The following PKHD1 variants were observed in gnomAD, a reference collection of about 807,000 sequenced individuals.
PKHD1 encodes PKHD1 ciliary IPT domain containing fibrocystin/polyductin.
In PKHD1, 291 loss-of-function variants were observed where a neutral mutation model predicts 412.0. The ratio of observed to expected loss-of-function variants is 0.71; its 90% confidence interval spans 0.64 to 0.78. The LOEUF (loss-of-function observed/expected upper bound fraction) is 0.78. PKHD1 is among the 30% of genes least tolerant of loss of function. The pLI is 0.00. For missense variants in PKHD1, 4,825 were observed against 4,950.7 expected, an observed-to-expected ratio of 0.97 and a Z score of 0.76; for synonymous variants, 1,777 against 1,821.5, an observed-to-expected ratio of 0.98 and a Z score of 0.62.
chr6:51,777,687 A>G (rs1468609406), intron 53 of PKHD1, among the ~76,000 whole-genome samples: 4 of 19,894 alleles, frequency 2.0e-4, no homozygotes, highest in Admixed American at 6.5e-4. Context: ...GGGAAAAAAA[A>G]AAAAAAAAAA....
intron 45 of PKHD1, among the ~76,000 whole-genome samples, chr6:51,884,444 A>C (rs1447771473): frequency 6.6e-6 from 1 of 152,216 alleles, no homozygotes; most frequent in Non-Finnish European, 1.5e-5. Context: ...GCAAGTTTTA[A>C]AATAGGGAAG....
chr6:51,787,758 G>T (rs934483739), intron 53 of PKHD1, among the ~76,000 whole-genome samples: 2 of 152,160 alleles, frequency 1.3e-5, no homozygotes, highest in Non-Finnish European at 2.9e-5. Flanking sequence ...CTGGAAAGTG[G>T]CACAGTGTCA....
At chr6:51,999,026 C>T (rs1798048808) in intron 35 of PKHD1, among the ~76,000 whole-genome samples, 1 of 152,144 alleles carries the variant, frequency 6.6e-6, no homozygotes, top group South Asian at 2.1e-4. Flanking sequence ...CAAAGCAATT[C>T]AAGAAGACAG....
At chr6:51,661,031 G>C (rs909771634) in intron 60 of PKHD1, among the ~76,000 whole-genome samples, 20 of 151,696 alleles carry the variant, frequency 1.3e-4, no homozygotes, top group African/African-American at 4.9e-4. Flanking sequence ...TGAGGCATTA[G>C]CTCATTAGAA....
chr6:52,024,711 G>T lies in PKHD1; in HGVS notation c.5099C>A (p.Thr1700Asn). ...GGAAGGGACCACGCACTGAAGAACG[G>T]TGTGGTTACCAGAGACACCCACACA... ...SPCVGVSGNHTVLQCVVPSLP... is the reference protein window; with the variant it reads ...SPCVGVSGNHNVLQCVVPSLP... Residue 1700 changes from threonine to asparagine, a missense_variant, in exon 32 of 67, where the codon ACC (threonine) becomes AAC (asparagine). Transcript: ENST00000371117. 6.2e-7 allele frequency: 1 copy of T among 1,614,204 alleles called. No individual in the cohort carries two copies. Among genetic ancestry groups the T allele is most frequent in the Non-Finnish European group, 8.5e-7 (1 of 1,180,036 alleles).
Position 52,054,021 on chromosome 6 carries a change from C to A in PKHD1, c.1964+17G>T, listed in dbSNP as rs201349527. ...AGCTGACTGAATTCCCACCACGCCT[C>A]CCCACCGATTAGCTACCTCTCGGGG... On this transcript the variant is annotated intron_variant, in intron 20 of 66. Coordinates refer to ENST00000371117, the MANE Select transcript of PKHD1 (RefSeq NM_138694.4). The A allele has an allele frequency of 6.8e-3, 11,020 of 1,613,548 alleles. 62 individuals carry two copies. The highest frequency in any genetic ancestry group is 7.8e-3 in the Non-Finnish European group (9,184 of 1,179,572).
At chr6:51,682,655 C>CTCTGCT (rs1174028059) in intron 60 of PKHD1, among the ~76,000 whole-genome samples, 5 of 151,976 alleles carry the variant, frequency 3.3e-5, no homozygotes, top group African/African-American at 1.2e-4. Context: ...AACAGCTTGC[C>CTCTGCT]TCTGCTTCTG....
At chr6:51,991,341 T>G (rs1797017604) in intron 35 of PKHD1, among the ~76,000 whole-genome samples, 1 of 152,220 alleles carries the variant, frequency 6.6e-6, no homozygotes, top group South Asian at 2.1e-4. Context: ...ATACAAACCC[T>G]AGATGCCTCA....
intron 64 of PKHD1, among the ~76,000 whole-genome samples, chr6:51,634,165 C>A (rs1194449313): frequency 6.6e-6 from 1 of 152,066 alleles, no homozygotes; most frequent in Non-Finnish European, 1.5e-5. Context: ...ATCCACATAA[C>A]TCAGGCAAAA....
At chr6:51,781,237 C>T (rs1415598429) in intron 53 of PKHD1, among the ~76,000 whole-genome samples, 4 of 152,086 alleles carry the variant, frequency 2.6e-5, no homozygotes, top group African/African-American at 9.7e-5. Flanking sequence ...ATATTTGACT[C>T]GCTTATTCCT....
At chr6:51,654,643 C>A (rs1306991935) in intron 61 of PKHD1, among the ~76,000 whole-genome samples, 19 of 147,628 alleles carry the variant, frequency 1.3e-4, no homozygotes, top group African/African-American at 1.2e-4. Flanking sequence ...AGCAAAATAG[C>A]AAAAAAAAAA....
intron 13 of PKHD1, among the ~76,000 whole-genome samples, chr6:52,064,141 C>G (rs890289547): frequency 3.3e-5 from 5 of 152,214 alleles, no homozygotes; most frequent in Admixed American, 6.5e-5. Flanking sequence ...GTTTCTTCCC[C>G]TGCTGGGCAA....
At chr6:51,927,778 A>G (rs529946553) in intron 37 of PKHD1, among the ~76,000 whole-genome samples, 2 of 152,318 alleles carry the variant, frequency 1.3e-5, no homozygotes, top group Admixed American at 1.3e-4. Context: ...AACATCTTTC[A>G]TGTGGATTTG....
Position 51,616,690 on chromosome 6 carries a change from C to T in PKHD1, c.*2391G>A. 2.5e-6 allele frequency: 1 copy of T among 398,450 alleles called. No individual in the cohort carries two copies. The highest frequency in any genetic ancestry group is 3.6e-5 in the East Asian group (1 of 28,068). 24.7% of individuals were successfully genotyped at this position (398,450 alleles called of 1,614,324 possible). On this transcript the variant is annotated 3_prime_UTR_variant, in exon 67 of 67. Transcript: ENST00000371117. ...GAGTCAATTCTGGCCTCAGGGATCA[C>T]AGGCTTTTCTGGGATGGAATTAGTA...
intron 50 of PKHD1, among the ~76,000 whole-genome samples, chr6:51,846,013 A>G (rs1771076793): frequency 6.6e-6 from 1 of 152,218 alleles, no homozygotes; most frequent in Non-Finnish European, 1.5e-5. Context: ...CATAAAGTTA[A>G]TGGTAACTAT....
chr6:51,887,182 G>C lies in PKHD1; in HGVS notation c.7060C>G (p.Gln2354Glu). 1.9e-6 allele frequency: 3 copies of C among 1,613,410 alleles called. No homozygotes were observed. The South Asian group carries it at 3.3e-5, about 18-fold the overall frequency. The change falls in exon 44 of 67, where the codon CAA (glutamine) becomes GAA (glutamate). Residue 2354 changes from glutamine to glutamate, a missense_variant. Gln to Glu is a conservative substitution (Grantham distance 29, BLOSUM62 2). Coordinates refer to ENST00000371117, the MANE Select transcript of PKHD1 (RefSeq NM_138694.4). ...TGAGTGAAGGAAAGAAGCGGAGCTT[G>C]TGATGTTTGGTTGGTCATGAGATGG... is the stretch of plus-strand genomic sequence containing the variant. Reference protein sequence around the residue: ...FFHLMTNQTSQAPLLSFTQNI... With the variant: ...FFHLMTNQTSEAPLLSFTQNI...
chr6:51,689,495 G>T (rs975050009), intron 60 of PKHD1, among the ~76,000 whole-genome samples: 8 of 152,058 alleles, frequency 5.3e-5, no homozygotes, highest in South Asian at 2.1e-4. Context: ...TTCTGGCCAG[G>T]GCAATTAGGC....
intron 36 of PKHD1, among the ~76,000 whole-genome samples, chr6:51,955,788 T>A (rs1791030546): frequency 6.6e-6 from 1 of 152,080 alleles, no homozygotes; most frequent in African/African-American, 2.4e-5. Context: ...TACTTCATAT[T>A]TTGTCGGTTA....
intron 60 of PKHD1, among the ~76,000 whole-genome samples, chr6:51,736,327 G>A (rs183711978): frequency 3.9e-5 from 6 of 152,236 alleles, no homozygotes; most frequent in Admixed American, 2.0e-4. Flanking sequence ...GGACTACTTT[G>A]AAATGTAATC....
Sources: gnomAD v4.1 joint callset for allele counts (sites outside exome capture counted in the v4.1 genomes callset) on GRCh38, gnomAD v4.1.1 for gene constraint, MANE v1.5 for transcripts, NCBI Gene and HGNC (gene_info 2026-07-23, HGNC 2026-07-21) for gene names.